The following PON3 variants were observed in gnomAD, a reference collection of about 807,000 sequenced individuals.
PON3 encodes the protein serum paraoxonase/lactonase 3.
In PON3, 37 loss-of-function variants were observed where a neutral mutation model predicts 36.3. The ratio of observed to expected loss-of-function variants is 1.02; its 90% CI spans 0.78 to 1.34. PON3 has a LOEUF of 1.34. Among genes scored for constraint, PON3 ranks in the 40% most tolerant of loss-of-function variants. PON3 has a pLI of 0.00. For missense variants in PON3, 415 were observed against 426.5 expected (o/e 0.97, Z 0.24); for synonymous variants, 155 against 154.8 (o/e 1.00, Z -0.01).
chr7:95,371,219 T>C (rs1166516639), intron 4 of PON3, among the ~76,000 whole-genome samples: 1 of 149,804 alleles, frequency 6.7e-6, no homozygotes, highest in Admixed American at 6.6e-5. Context: ...ATTTGGGTTA[T>C]TTCCACCTTT....
intron 4 of PON3, among the ~76,000 whole-genome samples, chr7:95,368,854 C>T (rs983738744): frequency 1.1e-4 from 17 of 151,656 alleles, no homozygotes; most frequent in Admixed American, 2.0e-4. Flanking sequence ...CCAAACCCAC[C>T]TCCACCTCTA....
At chr7:95,394,798 G>A (rs1809394069) in intron 1 of PON3, 84 bp from the exon 2 acceptor site, 3 of 1,054,866 alleles carry the variant, frequency 2.8e-6, no homozygotes, top group East Asian at 4.8e-5. Context: ...TCATCTTCGT[G>A]TTGGTTAACT....
At chr7:95,387,312 A>C (rs952709766) in intron 3 of PON3, among the ~76,000 whole-genome samples, 2 of 152,224 alleles carry the variant, frequency 1.3e-5, no homozygotes, top group East Asian at 1.9e-4. Context: ...ATCAATGTGC[A>C]AAAATCACAA....
intron 8 of PON3, among the ~76,000 whole-genome samples, chr7:95,360,558 A>T (rs1178728232): frequency 6.6e-6 from 1 of 152,182 alleles, no homozygotes; most frequent in Non-Finnish European, 1.5e-5. Flanking sequence ...GATGGCAGTC[A>T]TCACAGCTGG....
chr7:95,392,637 G>T (rs1809343301), intron 2 of PON3, among the ~76,000 whole-genome samples: 1 of 152,192 alleles, frequency 6.6e-6, no homozygotes, highest in Admixed American at 6.5e-5. Flanking sequence ...TACTGGGTTT[G>T]TCTGTTAGGG....
intron 1 of PON3, among the ~76,000 whole-genome samples, chr7:95,395,450 TCC>T (rs1809407903): frequency 6.6e-6 from 1 of 152,186 alleles, no homozygotes; most frequent in Non-Finnish European, 1.5e-5. Context: ...TTTATGATTC[TCC>T]ATGTGGTTGC....
At chr7:95,368,914 C>T (rs577717819) in intron 4 of PON3, among the ~76,000 whole-genome samples, 1 of 152,054 alleles carries the variant, frequency 6.6e-6, no homozygotes, top group East Asian at 1.9e-4. Context: ...AATCTAATCA[C>T]TTATTATACC....
At chr7:95,392,267 T>C (rs1263156209) in intron 2 of PON3, among the ~76,000 whole-genome samples, 2 of 152,230 alleles carry the variant, frequency 1.3e-5, no homozygotes, top group Non-Finnish European at 2.9e-5. Flanking sequence ...AACATGGCAT[T>C]TCTTTCTTCT....
chr7:95,386,605 G>C (rs994773800), intron 3 of PON3, among the ~76,000 whole-genome samples: 4 of 152,064 alleles, frequency 2.6e-5, no homozygotes, highest in Non-Finnish European at 4.4e-5. Context: ...CAATAGAAAA[G>C]AAGGAATCCT....
At chr7:95,371,988 A>T (rs959090372) in intron 4 of PON3, among the ~76,000 whole-genome samples, 185 bp downstream of exon 4, 5 of 152,166 alleles carry the variant, frequency 3.3e-5, no homozygotes, top group Non-Finnish European at 5.9e-5. Flanking sequence ...AGGGCCAAAA[A>T]TACTAGTGTT....
intron 3 of PON3, among the ~76,000 whole-genome samples, chr7:95,373,318 T>C (rs1289125202): frequency 1.3e-5 from 2 of 152,204 alleles, no homozygotes; most frequent in East Asian, 1.9e-4. Flanking sequence ...GCTCTTCCAC[T>C]GCTCCCTCTT....
At chr7:95,367,852 G>A (rs1346178433) in intron 4 of PON3, among the ~76,000 whole-genome samples, 1 of 152,218 alleles carries the variant, frequency 6.6e-6, no homozygotes, top group Non-Finnish European at 1.5e-5. Context: ...AGAAGTGAGT[G>A]CAAGCAAACA....
In PON3 at chr7:95,373,864, G is replaced by A. The variant is rs541788275; in HGVS notation, c.202-1526C>T. ...TGCCACAGACTGGTACCTGTCCGTA[G>A]CCTGTAAGGAGCTGGGCCTTACAAG... On this transcript the variant is annotated intron_variant, in intron 3 of 8. Transcript: ENST00000265627. Among the ~76,000 whole-genome samples, 188 of 152,278 alleles carry A rather than the reference G, an allele frequency of 1.2e-3. 2 individuals carry two copies. Among genetic ancestry groups the A allele is most frequent in the South Asian group, 8.3e-4 (4 of 4,818 alleles).
At position 95,390,200 on chromosome 7, in the gene PON3, G is replaced by A. The variant is rs749382548; in HGVS notation, c.155C>T (p.Ser52Phe). 1.2e-6 allele frequency: 2 copies of A among 1,611,280 alleles called. No homozygotes were observed. Among genetic ancestry groups the A allele is most frequent in the African/African-American group, 2.7e-5 (2 of 74,850 alleles). ...CHLIEELESG[S>F]EDIDILPSGL... Reference sequence around the variant, plus strand: ...ACTAGGAAGTATATCAATATCTTCAGAGCCACTTTCTGCAAAAGAAGGGTA... The same window carrying A: ...ACTAGGAAGTATATCAATATCTTCAAAGCCACTTTCTGCAAAAGAAGGGTA... Residue 52 changes from serine (S) to phenylalanine (F), a missense_variant, in exon 3 of 9, where the codon TCT (serine) becomes TTT (phenylalanine). By Grantham distance (155) the Ser-to-Phe change is radical. Coordinates refer to ENST00000265627, the MANE Select transcript of PON3 (RefSeq NM_000940.3).
chr7:95,375,437 C>A (rs1808896089), intron 3 of PON3, among the ~76,000 whole-genome samples: 1 of 151,566 alleles, frequency 6.6e-6, no homozygotes, highest in Admixed American at 6.6e-5. Context: ...TTCCCTTTCA[C>A]ATGAGGGAAA....
At chr7:95,387,894 A>G (rs988474386) in intron 3 of PON3, among the ~76,000 whole-genome samples, 2 of 152,226 alleles carry the variant, frequency 1.3e-5, no homozygotes, top group African/African-American at 4.8e-5. Flanking sequence ...ATGATTCCCT[A>G]TGTAATAAAT....
intron 3 of PON3, among the ~76,000 whole-genome samples, chr7:95,388,237 T>A (rs926822064): frequency 2.6e-5 from 4 of 151,876 alleles, no homozygotes; most frequent in African/African-American, 7.3e-5. Context: ...CTTAAACAAA[T>A]TTACAAGAAA....
chr7:95,374,696 A>G (rs1808877184), intron 3 of PON3, among the ~76,000 whole-genome samples: 1 of 152,070 alleles, frequency 6.6e-6, no homozygotes, highest in South Asian at 2.1e-4. Flanking sequence ...AGATCATATA[A>G]ATGGTCTCCA....
chr7:95,367,577 G>A, intron 4 of PON3, 89 bp from the exon 5 acceptor site: 1 of 1,442,490 alleles, frequency 6.9e-7, no homozygotes, highest in Non-Finnish European at 9.7e-7. Context: ...ACTTCCAAAA[G>A]TTTTCTTCTT....
Sources: allele counts gnomAD v4.1 joint callset (sites outside exome capture counted in the v4.1 genomes callset), GRCh38; gene constraint gnomAD v4.1.1; transcripts MANE v1.5; gene names NCBI Gene and HGNC (gene_info 2026-07-23, HGNC 2026-07-21).